Variants in SCAMP1 observed in about 807,000 individuals in gnomAD.
The protein encoded by SCAMP1 is secretory carrier membrane protein 1, also known as secretory carrier-associated membrane protein 1.
SCAMP1 carries 15 observed loss-of-function variants against 41.8 expected under a neutral mutation model. The ratio of observed to expected loss-of-function variants is 0.36; its 90% CI spans 0.24 to 0.55. SCAMP1 has a LOEUF of 0.55. SCAMP1 is among the 20% of genes least tolerant of loss of function. The pLI is 0.86. For synonymous variants in SCAMP1, 135 were observed against 136.8 expected, an observed-to-expected ratio of 0.99 and a Z score of 0.09; for missense variants, 341 against 412.6, an observed-to-expected ratio of 0.83 and a Z score of 1.50.
rs751440614 is a variant in SCAMP1, at chr5:78,459,227, C to A, written c.735-18C>A. On this transcript the variant is annotated intron_variant, in intron 7 of 8. Transcript: ENST00000621999. ...TTACATCAACTTTTGCCTAATTACA[C>A]TTTTTATTACTTTTTAGTGGTTGGA... 1.7e-5 allele frequency: 20 copies of A among 1,201,292 alleles called. No homozygotes were observed. In the South Asian group the frequency reaches 2.5e-4, roughly 15 times the overall value. 74.4% of individuals were successfully genotyped at this position (1,201,292 alleles called of 1,614,324 possible).
At chr5:78,448,839 A>G (rs1266554703) in intron 6 of SCAMP1, among the ~76,000 whole-genome samples, 1 of 152,136 alleles carries the variant, frequency 6.6e-6, no homozygotes, top group Non-Finnish European at 1.5e-5. Flanking sequence ...CCTCTCTACT[A>G]AAAATGCAAA....
intron 6 of SCAMP1, among the ~76,000 whole-genome samples, chr5:78,448,184 CTTTTGTTTTT>C (rs1221666138): frequency 7.8e-5 from 10 of 127,504 alleles, no homozygotes; most frequent in African/African-American, 1.8e-4. Context: ...TTCCTCTTCC[CTTTTGTTTTT>C]TTTTGTTTTT....
chr5:78,418,087 A>G (rs928383717), intron 4 of SCAMP1, among the ~76,000 whole-genome samples: 21 of 151,958 alleles, frequency 1.4e-4, no homozygotes, highest in African/African-American at 4.8e-4. Context: ...CTTTATGTAG[A>G]CACATTTTTT....
At chr5:78,436,888 CTT>C (rs1197507560) in intron 6 of SCAMP1, among the ~76,000 whole-genome samples, 1 of 152,166 alleles carries the variant, frequency 6.6e-6, no homozygotes, top group Non-Finnish European at 1.5e-5. Context: ...TTTGTGCCCT[CTT>C]TTATTTCGTT....
intron 1 of SCAMP1, chr5:78,370,585 A>T (rs1750918167): frequency 6.6e-6 from 1 of 152,148 alleles, no homozygotes; most frequent in African/African-American, 2.4e-5. Flanking sequence ...CCATTGCTGG[A>T]CACCTAAGTT....
At chr5:78,467,886 G>T (rs1233449457) in intron 8 of SCAMP1, among the ~76,000 whole-genome samples, 2 of 152,018 alleles carry the variant, frequency 1.3e-5, no homozygotes, top group Admixed American at 1.3e-4. Context: ...GTCAAAACTG[G>T]CAGTTTAATG....
chr5:78,383,072 A>T (rs1474652670), intron 1 of SCAMP1, among the ~76,000 whole-genome samples: 1 of 152,160 alleles, frequency 6.6e-6, no homozygotes, highest in African/African-American at 2.4e-5. Flanking sequence ...CCAACAGTGT[A>T]AAAGTGTTCC....
At chr5:78,440,828 A>T (rs919031103) in intron 6 of SCAMP1, among the ~76,000 whole-genome samples, 2 of 152,226 alleles carry the variant, frequency 1.3e-5, no homozygotes. Context: ...GGAGGCAGGC[A>T]GGCCTCCTTG....
At chr5:78,365,472 C>CA (rs35765310) in intron 1 of SCAMP1, among the ~76,000 whole-genome samples, 2,006 of 55,426 alleles carry the variant, frequency 0.036, 161 homozygotes, top group African/African-American at 0.086. Flanking sequence ...AGACTCATCT[C>CA]AAAAAAAAAA....
intron 2 of SCAMP1, among the ~76,000 whole-genome samples, chr5:78,391,794 T>G (rs1482948250): frequency 6.6e-6 from 1 of 152,146 alleles, no homozygotes; most frequent in African/African-American, 2.4e-5. Flanking sequence ...CACTTGCGGT[T>G]AGGAGCTGGA....
chr5:78,405,726 T>C (rs1358247667), intron 2 of SCAMP1, among the ~76,000 whole-genome samples: 1 of 152,230 alleles, frequency 6.6e-6, no homozygotes, highest in East Asian at 1.9e-4. Context: ...TTGTGGCCCA[T>C]TGTAGTTGAC....
chr5:78,444,758 C>A (rs1432100043), intron 6 of SCAMP1, among the ~76,000 whole-genome samples: 1 of 152,284 alleles, frequency 6.6e-6, no homozygotes, highest in Non-Finnish European at 1.5e-5. Context: ...TATTTTGATA[C>A]AGTATTACAT....
At chr5:78,415,143 G>A (rs544860114) in intron 2 of SCAMP1, among the ~76,000 whole-genome samples, 5 of 151,950 alleles carry the variant, frequency 3.3e-5, no homozygotes, top group East Asian at 1.9e-4. Context: ...TAGTAGAGAC[G>A]GGGTTTCACC....
rs572649564 is a variant in SCAMP1, at chr5:78,477,233, G to C, written c.*1565G>C. On this transcript the variant is annotated 3_prime_UTR_variant, in exon 9 of 9. Coordinates refer to ENST00000621999, the MANE Select transcript of SCAMP1 (RefSeq NM_004866.6). ...CATGAAGCAGCGCTGCATGTCACTAGGTAACACAGATCCATCCAGATGGTG... is the reference window on the plus strand; with the variant it reads ...CATGAAGCAGCGCTGCATGTCACTACGTAACACAGATCCATCCAGATGGTG... The C allele has an allele frequency of 1.3e-5, 2 of 152,184 alleles. No homozygotes were observed. Among genetic ancestry groups the C allele is most frequent in the African/African-American group, 4.8e-5 (2 of 41,538 alleles). 9.4% of individuals were successfully genotyped at this position (152,184 alleles called of 1,614,324 possible).
chr5:78,462,594 A>G (rs1753645227), intron 8 of SCAMP1, among the ~76,000 whole-genome samples: 1 of 152,142 alleles, frequency 6.6e-6, no homozygotes, highest in South Asian at 2.1e-4. Flanking sequence ...AAAGTTCGGG[A>G]TTACAGGTGT....
rs545028190 is a variant in SCAMP1 at position 78,421,153 on chromosome 5, T to C, written c.473-648T>C. On this transcript the variant is annotated intron_variant, in intron 5 of 8. Coordinates refer to ENST00000621999, the MANE Select transcript of SCAMP1 (RefSeq NM_004866.6). Reference sequence around the variant, plus strand: ...TTATTAACAGCATATGATGAATTTGTCAACATCTATTTGTGTTAACCAAAA... The same window carrying C: ...TTATTAACAGCATATGATGAATTTGCCAACATCTATTTGTGTTAACCAAAA... 2.0e-5 allele frequency among the ~76,000 whole-genome samples: 3 copies of C among 152,326 alleles called. No individual in the cohort carries two copies. The East Asian group carries it at 5.8e-4, about 29-fold the overall frequency.
intron 1 of SCAMP1, among the ~76,000 whole-genome samples, chr5:78,361,397 C>T (rs1750648119): frequency 6.6e-6 from 1 of 152,124 alleles, no homozygotes. Context: ...TGCACGTGGA[C>T]GACCTCTTCC....
At chr5:78,432,867 A>G (rs1752657230) in intron 6 of SCAMP1, among the ~76,000 whole-genome samples, 1 of 151,986 alleles carries the variant, frequency 6.6e-6, no homozygotes, top group Non-Finnish European at 1.5e-5. Context: ...TTTATTACAT[A>G]TGTGTTAGAA....
intron 1 of SCAMP1, among the ~76,000 whole-genome samples, chr5:78,381,215 A>C (rs899729478): frequency 5.3e-5 from 8 of 152,174 alleles, no homozygotes; most frequent in Non-Finnish European, 1.2e-4. Context: ...GAGTGGAGAG[A>C]CTTGGGTAGA....
Sources: gnomAD v4.1 joint callset for allele counts (sites outside exome capture counted in the v4.1 genomes callset) on GRCh38, gnomAD v4.1.1 for gene constraint, MANE v1.5 for transcripts, NCBI Gene and HGNC (gene_info 2026-07-23, HGNC 2026-07-21) for gene names.